The following SLC30A9 variants were observed in gnomAD, a reference collection of about 807,000 sequenced individuals.
SLC30A9 encodes the protein solute carrier family 30 member 9, also known as proton-coupled zinc antiporter SLC30A9, mitochondrial.
Under a neutral mutation model 87.5 loss-of-function variants are expected in SLC30A9, and 58 were observed. That is an observed-to-expected ratio of 0.66 (90% CI 0.54 to 0.82). The LOEUF is 0.82. SLC30A9 is among the 40% of genes least tolerant of loss of function. SLC30A9 has a pLI of 0.00. For synonymous variants in SLC30A9, 234 were observed against 233.0 expected, an observed-to-expected ratio of 1.00 and a Z score of -0.04; for missense variants, 557 against 679.1, an observed-to-expected ratio of 0.82 and a Z score of 2.00.
chr4:42,006,575 T>C (rs1458359257), intron 2 of SLC30A9, among the ~76,000 whole-genome samples: 1 of 151,856 alleles, frequency 6.6e-6, no homozygotes, highest in Non-Finnish European at 1.5e-5. Flanking sequence ...TAGTCCCAGC[T>C]ACTCAAGATG....
chr4:42,020,871 T>G (rs553074392), intron 4 of SLC30A9: 8 of 164,456 alleles, frequency 4.9e-5, no homozygotes, highest in African/African-American at 1.7e-4. Flanking sequence ...CTGTTTTGGT[T>G]TTTTGGCCAG....
In SLC30A9 at chr4:42,074,740, T is replaced by G. The variant is rs373574662; in HGVS notation, c.1419-917T>G. ...CCATTAAATGCCTGCCTTATAGTTC[T>G]TACTGTATTAAACATTTTATATATG... On this transcript the variant is annotated intron_variant, in intron 15 of 17. Transcript: ENST00000264451. Among the ~76,000 whole-genome samples the G allele has an allele frequency of 2.0e-5, 3 of 152,086 alleles. No individual in the cohort carries two copies. In the East Asian group the frequency reaches 5.8e-4, roughly 29 times the overall value.
Position 42,001,748 on chromosome 4 carries a change from T to C in SLC30A9, c.242T>C (p.Leu81Pro). 6.2e-7 allele frequency: 1 copy of C among 1,610,292 alleles called. No individual in the cohort carries two copies. Among genetic ancestry groups the C allele is most frequent in the Non-Finnish European group, 8.5e-7 (1 of 1,178,366 alleles). Residue 81 changes from leucine (L) to proline (P), a missense_variant, in exon 2 of 18, where the codon CTC becomes CCC. Transcript: ENST00000264451. ...AAAGAAGGACAGGGATCACAAACAC[T>C]CAGAGTGGAAAAAGTACCATCATTT... ...VQKEGQGSQT[L>P]RVEKVPSFET... is the part of the protein sequence containing the mutation.
chr4:42,040,211 G>T (rs1407973306), intron 8 of SLC30A9, among the ~76,000 whole-genome samples: 1 of 152,146 alleles, frequency 6.6e-6, no homozygotes, highest in East Asian at 1.9e-4. Flanking sequence ...TGAGCTGGTG[G>T]TATGTTTAGG....
chr4:42,027,034 G>A (rs1716221413), intron 6 of SLC30A9, among the ~76,000 whole-genome samples: 1 of 152,096 alleles, frequency 6.6e-6, no homozygotes, highest in African/African-American at 2.4e-5. Context: ...AACAACCTAT[G>A]TCCCTGGCTC....
intron 2 of SLC30A9, among the ~76,000 whole-genome samples, chr4:42,012,927 A>G (rs1332509988): frequency 6.6e-6 from 1 of 152,214 alleles, no homozygotes; most frequent in Non-Finnish European, 1.5e-5. Flanking sequence ...ATAATAAAAC[A>G]GTAAACTTTT....
At chr4:42,050,025 A>ATC (rs1717324707) in intron 9 of SLC30A9, among the ~76,000 whole-genome samples, 2 of 152,170 alleles carry the variant, frequency 1.3e-5, no homozygotes, top group Non-Finnish European at 2.9e-5. Context: ...TATTAAGAGG[A>ATC]TACCTTTTCA....
intron 6 of SLC30A9, 133 bp from the exon 7 acceptor site, chr4:42,035,142 T>G: frequency 2.4e-6 from 2 of 845,378 alleles, no homozygotes; most frequent in Non-Finnish European, 3.5e-6. Flanking sequence ...AAATCCAAAT[T>G]TTTTATAACT....
rs189978704 is a variant in SLC30A9 at position 42,043,805 on chromosome 4, A to G, written c.737+4752A>G. ...GGTTGAAATGAAGGAAAAAATGTTA[A>G]GGGCAGCCAGAGAGAAAGGTCGGGT... On this transcript the variant is annotated intron_variant, in intron 8 of 17. Coordinates refer to ENST00000264451, the MANE Select transcript of SLC30A9 (RefSeq NM_006345.4). 3.9e-3 allele frequency among the ~76,000 whole-genome samples: 592 copies of G among 152,350 alleles called. 7 individuals carry two copies. Among genetic ancestry groups the G allele is most frequent in the South Asian group, 0.039 (187 of 4,830 alleles).
At chr4:42,016,701 G>A (rs1715734293) in intron 2 of SLC30A9, among the ~76,000 whole-genome samples, 1 of 152,108 alleles carries the variant, frequency 6.6e-6, no homozygotes, top group Non-Finnish European at 1.5e-5. Flanking sequence ...GCTTAGAGTA[G>A]TACTTAGCAC....
intron 8 of SLC30A9, among the ~76,000 whole-genome samples, chr4:42,044,423 T>A (rs1717057212): frequency 6.9e-6 from 1 of 145,534 alleles, no homozygotes; most frequent in Non-Finnish European, 1.5e-5. Context: ...GCAATCCTAG[T>A]CTCTGACAAA....
intron 7 of SLC30A9, among the ~76,000 whole-genome samples, chr4:42,038,595 T>C (rs1273021792): frequency 6.6e-6 from 1 of 152,254 alleles, no homozygotes; most frequent in African/African-American, 2.4e-5. Flanking sequence ...ACAAGGTTTA[T>C]CCCTGTGTAG....
chr4:42,054,513 CAG>C (rs1218894376), intron 9 of SLC30A9, among the ~76,000 whole-genome samples: 1 of 138,146 alleles, frequency 7.2e-6, no homozygotes, highest in African/African-American at 2.6e-5. Flanking sequence ...TTTTTTGAGA[CAG>C]AGTCTCGCTC....
chr4:42,086,094 G>GA lies in SLC30A9; in HGVS notation c.1677dup (p.Val560SerfsTer15), dbSNP rs1718916242. ...TTTTTCTTTCCAGAAACGAAATCCT[G>GA]AAGTTCGACATGTAGATTTGGAGAT... is the stretch of plus-strand genomic sequence containing the variant. On this transcript the variant is annotated frameshift_variant, in exon 18 of 18. Coordinates refer to ENST00000264451, the MANE Select transcript of SLC30A9 (RefSeq NM_006345.4). LOFTEE classifies it high-confidence loss of function. The GA allele has an allele frequency of 6.5e-7, 1 of 1,543,714 alleles. No homozygotes were observed. Among genetic ancestry groups the GA allele is most frequent in the African/African-American group, 1.3e-5 (1 of 74,524 alleles).
At chr4:42,051,207 C>T (rs763244859) in intron 9 of SLC30A9, among the ~76,000 whole-genome samples, 6 of 152,138 alleles carry the variant, frequency 3.9e-5, no homozygotes, top group Non-Finnish European at 8.8e-5. Context: ...TTATTCTTAA[C>T]GTAAAGGCTG....
chr4:42,045,638 GA>G (rs1717119155), intron 8 of SLC30A9, among the ~76,000 whole-genome samples: 1 of 149,646 alleles, frequency 6.7e-6, no homozygotes, highest in South Asian at 2.1e-4. Context: ...AATTCTACCA[GA>G]GGTGCAAAGA....
chr4:42,075,842 G>A, intron 16 of SLC30A9, 56 bp downstream of exon 16: 2 of 1,542,464 alleles, frequency 1.3e-6, no homozygotes, highest in Middle Eastern at 1.8e-4. Context: ...TGCTTTTAAG[G>A]TAAACAAAAT....
At chr4:42,005,613 A>G (rs751161474) in intron 2 of SLC30A9, among the ~76,000 whole-genome samples, 50 of 152,208 alleles carry the variant, frequency 3.3e-4, no homozygotes, top group Admixed American at 2.0e-3. Flanking sequence ...GGAGGTAGAA[A>G]TAAGCTCAAA....
At chr4:41,994,879 T>TA (rs1714628448) in intron 1 of SLC30A9, among the ~76,000 whole-genome samples, 1 of 147,526 alleles carries the variant, frequency 6.8e-6, no homozygotes, top group African/African-American at 2.5e-5. Context: ...CTTAGTTGTT[T>TA]AAAGAGGTTG....
Sources: gnomAD v4.1 joint callset for allele counts (sites outside exome capture counted in the v4.1 genomes callset) on GRCh38, gnomAD v4.1.1 for gene constraint, MANE v1.5 for transcripts, NCBI Gene and HGNC (gene_info 2026-07-23, HGNC 2026-07-21) for gene names.